PTPRD: variants seen among roughly 807,000 people sequenced by gnomAD.
PTPRD encodes the protein receptor-type tyrosine-protein phosphatase delta.
A neutral mutation model predicts 214.5 loss-of-function variants in PTPRD; 34 were observed. The observed-to-expected ratio is 0.16, with a 90% CI of 0.12 to 0.21. The LOEUF (loss-of-function observed/expected upper bound fraction) is 0.21, where lower values mean the gene tolerates loss of function less well. Among genes scored for constraint, PTPRD ranks in the 10% least tolerant of loss-of-function variants. The pLI, the probability that PTPRD is intolerant of heterozygous loss-of-function variation, is 1.00. For missense variants in PTPRD, 2,545 were observed against 2,398.7 expected (o/e 1.06, Z -1.27); for synonymous variants, 1,128 against 845.7 (o/e 1.33, Z -5.79).
chr9:9,760,890 A>C (rs1346563756), intron 6 of PTPRD, among the ~76,000 whole-genome samples: 1 of 152,198 alleles, frequency 6.6e-6, no homozygotes, highest in Non-Finnish European at 1.5e-5. Flanking sequence ...AATAAGAACG[A>C]TCAACACCAC....
intron 9 of PTPRD, among the ~76,000 whole-genome samples, chr9:9,198,062 T>C (rs1295165604): frequency 6.6e-6 from 1 of 152,240 alleles, no homozygotes; most frequent in African/African-American, 2.4e-5. Context: ...TTTTTAACCA[T>C]GTATAAGGAA....
At chr9:8,532,362 C>T (rs10815907) in intron 14 of PTPRD, among the ~76,000 whole-genome samples, 22,171 of 151,914 alleles carry the variant, frequency 0.15, 1,951 homozygotes, top group East Asian at 0.28. Flanking sequence ...CTTCACCTTC[C>T]ACATTTATTA....
Position 9,906,571 on chromosome 9 carries a change from T to G in PTPRD, c.-368+31936A>C, listed in dbSNP as rs1262206947. On this transcript the variant is annotated intron_variant, in intron 5 of 45. Transcript: ENST00000381196. ...AAAGAAGTTAGTTGAAGACAGACATTCCTATGACACATTTATTTAAGTCAT... is the reference window on the plus strand; with the variant it reads ...AAAGAAGTTAGTTGAAGACAGACATGCCTATGACACATTTATTTAAGTCAT... 2.0e-5 allele frequency among the ~76,000 whole-genome samples: 3 copies of G among 152,058 alleles called. No individual in the cohort carries two copies. The East Asian group carries it at 5.8e-4, about 29-fold the overall frequency.
At chr9:9,078,937 T>A (rs533775676) in intron 10 of PTPRD, among the ~76,000 whole-genome samples, 2 of 152,056 alleles carry the variant, frequency 1.3e-5, no homozygotes, top group Non-Finnish European at 2.9e-5. Flanking sequence ...ATACTCATAA[T>A]GTTGAGTGAT....
chr9:8,513,203 A>T (rs923800779), intron 21 of PTPRD, among the ~76,000 whole-genome samples: 5 of 151,994 alleles, frequency 3.3e-5, no homozygotes, highest in African/African-American at 9.7e-5. Context: ...CATATTTAAA[A>T]CCATTTAAAG....
At chr9:10,367,082 A>G (rs1378946010) in intron 2 of PTPRD, among the ~76,000 whole-genome samples, 1 of 147,744 alleles carries the variant, frequency 6.8e-6, no homozygotes, top group Non-Finnish European at 1.5e-5. Flanking sequence ...ACAAACATAA[A>G]AAAAAAAAAA....
chr9:9,033,795 CT>C (rs2099613259), intron 10 of PTPRD, among the ~76,000 whole-genome samples: 1 of 152,022 alleles, frequency 6.6e-6, no homozygotes, highest in Admixed American at 6.6e-5. Flanking sequence ...AACACCATGA[CT>C]TTTTGCTGTT....
At chr9:10,479,037 T>C (rs1026168582) in intron 2 of PTPRD, among the ~76,000 whole-genome samples, 1 of 152,166 alleles carries the variant, frequency 6.6e-6, no homozygotes, top group African/African-American at 2.4e-5. Context: ...CATTACACAA[T>C]TTTCACAGAA....
At chr9:9,563,745 T>C (rs2083563452) in intron 8 of PTPRD, among the ~76,000 whole-genome samples, 2 of 152,186 alleles carry the variant, frequency 1.3e-5, no homozygotes, top group African/African-American at 4.8e-5. Flanking sequence ...TATATGATGT[T>C]TGAAAGAGAT....
intron 11 of PTPRD, among the ~76,000 whole-genome samples, chr9:8,796,359 T>A (rs987401198): frequency 4.6e-5 from 7 of 152,132 alleles, no homozygotes; most frequent in Non-Finnish European, 1.0e-4. Context: ...CTGTGAAACA[T>A]TTGACCTTTA....
intron 3 of PTPRD, among the ~76,000 whole-genome samples, chr9:10,066,513 G>A (rs1382433402): frequency 1.3e-5 from 2 of 151,814 alleles, no homozygotes; most frequent in East Asian, 3.9e-4. Context: ...ACACTTAGTA[G>A]CTCTTTTCAT....
intron 3 of PTPRD, among the ~76,000 whole-genome samples, chr9:10,093,392 C>A (rs72694843): frequency 0.16 from 24,650 of 151,140 alleles, 2,502 homozygotes; most frequent in South Asian, 0.32. Context: ...ACTCACAATG[C>A]GACAGTTTCT....
intron 10 of PTPRD, among the ~76,000 whole-genome samples, chr9:9,117,617 C>T (rs1234151134): frequency 6.6e-6 from 1 of 152,060 alleles, no homozygotes; most frequent in Non-Finnish European, 1.5e-5. Context: ...AGCCATGCAG[C>T]AACCTCATTA....
chr9:9,626,577 G>A (rs930947822), intron 7 of PTPRD, among the ~76,000 whole-genome samples: 1 of 152,130 alleles, frequency 6.6e-6, no homozygotes, highest in Non-Finnish European at 1.5e-5. Flanking sequence ...CGGAGAAAAG[G>A]AGGGAGAAAG....
rs147785186 is a variant in PTPRD, at chr9:10,300,744, A to G, written c.-545+40219T>C. On this transcript the variant is annotated intron_variant, in intron 3 of 45. Transcript: ENST00000381196. ...CTCCTCTCTAGGCAGGGTATCTCTG[A>G]AAAAAAGGCAGCAGCCCAGGTGAGG... 3.5e-3 allele frequency among the ~76,000 whole-genome samples: 536 copies of G among 152,172 alleles called. 1 individual carries two copies. Among genetic ancestry groups the G allele is most frequent in the Non-Finnish European group, 5.1e-3 (346 of 68,002 alleles).
intron 9 of PTPRD, among the ~76,000 whole-genome samples, chr9:9,271,451 G>A (rs1466305493): frequency 6.6e-6 from 1 of 151,298 alleles, no homozygotes; most frequent in Non-Finnish European, 1.5e-5. Flanking sequence ...CATCTGAATA[G>A]AAGATAAATA....
chr9:8,669,693 A>G (rs1211026631), intron 12 of PTPRD, among the ~76,000 whole-genome samples: 1 of 152,182 alleles, frequency 6.6e-6, no homozygotes, highest in Non-Finnish European at 1.5e-5. Flanking sequence ...AGAGTAGAGA[A>G]ATAGGTTTGT....
At chr9:10,383,464 G>T (rs779821112) in intron 2 of PTPRD, among the ~76,000 whole-genome samples, 2 of 151,772 alleles carry the variant, frequency 1.3e-5, no homozygotes, top group African/African-American at 4.8e-5. Flanking sequence ...ATAAATGCAT[G>T]GAACTAATGT....
chr9:10,141,133 A>C (rs1222020891), intron 3 of PTPRD, among the ~76,000 whole-genome samples: 4 of 152,166 alleles, frequency 2.6e-5, no homozygotes, highest in Non-Finnish European at 5.9e-5. Context: ...ACAAACCCAC[A>C]GCCAATATCA....
Sources: gnomAD v4.1 joint callset for allele counts (sites outside exome capture counted in the v4.1 genomes callset) on GRCh38, gnomAD v4.1.1 for gene constraint, MANE v1.5 for transcripts, NCBI Gene and HGNC (gene_info 2026-07-23, HGNC 2026-07-21) for gene names.